MACROD2: variants seen among roughly 807,000 people sequenced by gnomAD.
MACROD2 encodes mono-ADP ribosylhydrolase 2, also known as ADP-ribose glycohydrolase MACROD2.
Under a neutral mutation model 70.4 loss-of-function variants are expected in MACROD2, and 36 were observed. That is an observed-to-expected ratio of 0.51 (90% CI 0.39 to 0.68). MACROD2 has a LOEUF of 0.68. MACROD2 is among the 30% of genes least tolerant of loss of function. The probability of loss-of-function intolerance (pLI) is 0.00; values close to 1 mark genes in which losing one functional copy is unlikely to be tolerated. For synonymous variants in MACROD2, 172 were observed against 178.8 expected (o/e 0.96, Z 0.30); for missense variants, 496 against 538.4 (o/e 0.92, Z 0.78).
chr20:14,881,422 T>A (rs1215097461), intron 5 of MACROD2, among the ~76,000 whole-genome samples: 1 of 151,940 alleles, frequency 6.6e-6, no homozygotes, highest in East Asian at 1.9e-4. Flanking sequence ...GGCACTTGAC[T>A]TCCCTGTGCC....
intron 3 of MACROD2, among the ~76,000 whole-genome samples, chr20:14,164,679 G>A (rs778148518): frequency 1.3e-5 from 2 of 152,046 alleles, no homozygotes; most frequent in African/African-American, 2.4e-5. Context: ...GGGCCTGACC[G>A]CAGGCTCTGG....
At chr20:14,371,956 A>G (rs1371219415) in intron 3 of MACROD2, among the ~76,000 whole-genome samples, 1 of 152,062 alleles carries the variant, frequency 6.6e-6, no homozygotes, top group Non-Finnish European at 1.5e-5. Context: ...ATGTTCTCAT[A>G]ACATTATCCT....
intron 6 of MACROD2, among the ~76,000 whole-genome samples, chr20:15,400,768 T>G (rs1203888278): frequency 6.6e-6 from 1 of 152,188 alleles, no homozygotes; most frequent in African/African-American, 2.4e-5. Context: ...CTTTGGCATA[T>G]TTGAGCATGC....
intron 4 of MACROD2, among the ~76,000 whole-genome samples, chr20:14,519,856 A>G (rs1165168108): frequency 6.6e-6 from 1 of 152,228 alleles, no homozygotes; most frequent in African/African-American, 2.4e-5. Context: ...AAAACATGGT[A>G]CATATACACC....
intron 4 of MACROD2, among the ~76,000 whole-genome samples, chr20:14,610,245 A>T (rs888134218): frequency 1.3e-5 from 2 of 152,182 alleles, no homozygotes; most frequent in African/African-American, 4.8e-5. Flanking sequence ...ATAATTTCAT[A>T]AACAATTTTA....
chr20:14,897,650 T>A (rs6034057), intron 5 of MACROD2, among the ~76,000 whole-genome samples: 29,062 of 152,070 alleles, frequency 0.19, 2,980 homozygotes, highest in African/African-American at 0.22. Flanking sequence ...TTTTAGAAAG[T>A]TATTCACTGA....
chr20:14,731,261 G>A (rs1600598807), intron 5 of MACROD2, among the ~76,000 whole-genome samples: 1 of 152,224 alleles, frequency 6.6e-6, no homozygotes, highest in East Asian at 1.9e-4. Flanking sequence ...GAGGAAACGT[G>A]CCTGTCCTGA....
intron 8 of MACROD2, among the ~76,000 whole-genome samples, chr20:15,692,282 G>A (rs1047714154): frequency 6.6e-5 from 10 of 152,044 alleles, no homozygotes; most frequent in African/African-American, 2.4e-4. Flanking sequence ...TTCACCAGGG[G>A]GATGATGAAC....
intron 8 of MACROD2, among the ~76,000 whole-genome samples, chr20:15,792,750 T>C (rs1383148085): frequency 3.9e-5 from 6 of 152,180 alleles, no homozygotes; most frequent in African/African-American, 1.4e-4. Context: ...TTGTCAGACA[T>C]TTAGGTCATA....
chr20:15,690,707 T>A (rs2050288861), intron 8 of MACROD2, among the ~76,000 whole-genome samples: 1 of 152,184 alleles, frequency 6.6e-6, no homozygotes, highest in African/African-American at 2.4e-5. Context: ...ATAAGTGGAA[T>A]GTTCTGTATA....
chr20:15,835,053 C>T (rs2064097918), intron 8 of MACROD2, among the ~76,000 whole-genome samples: 2 of 152,178 alleles, frequency 1.3e-5, no homozygotes, highest in South Asian at 4.1e-4. Context: ...AGCAACCCTG[C>T]AGACAATCTC....
Position 15,347,554 on chromosome 20 carries a change from C to A in MACROD2, c.541-83851C>A, listed in dbSNP as rs143395090. 5.8e-3 allele frequency among the ~76,000 whole-genome samples: 879 copies of A among 152,284 alleles called. 5 individuals carry two copies. Among genetic ancestry groups the A allele is most frequent in the Non-Finnish European group, 6.9e-3 (468 of 68,024 alleles). ...GACTACACTTTCCCATGGTACACAT[C>A]ATCATTTCCTTTTAAGACATGATCA... On this transcript the variant is annotated intron_variant, in intron 6 of 17. Transcript: ENST00000684519.
chr20:15,305,984 G>A lies in MACROD2; in HGVS notation c.540+75923G>A, dbSNP rs184138349. On this transcript the variant is annotated intron_variant, in intron 6 of 17. Coordinates refer to ENST00000684519, the MANE Select transcript of MACROD2 (RefSeq NM_001351661.2). ...TGAATTGGATATCCTTTCATTCCAG[G>A]ACATTTTCATCTGCCTCATTCTTCT... Among the ~76,000 whole-genome samples, 13 of 152,126 alleles carry A rather than the reference G, an allele frequency of 8.5e-5. No individual in the cohort carries two copies. In the East Asian group the frequency reaches 2.5e-3, roughly 29 times the overall value.
intron 4 of MACROD2, among the ~76,000 whole-genome samples, chr20:14,546,363 T>C (rs2085491719): frequency 6.6e-6 from 1 of 152,138 alleles, no homozygotes; most frequent in Non-Finnish European, 1.5e-5. Context: ...GAAAGAATCC[T>C]CCAGGAGAAA....
At position 15,192,032 on chromosome 20, in the gene MACROD2, A is replaced by G. The variant is rs1276028816; in HGVS notation, c.419-37908A>G. ...TAACTATGTATCTATCTATCTATCTATCTATCTATCTATCTATCTATCTAT... is the reference window on the plus strand; with the variant it reads ...TAACTATGTATCTATCTATCTATCTGTCTATCTATCTATCTATCTATCTAT... On this transcript the variant is annotated intron_variant, in intron 5 of 17. Transcript: ENST00000684519. 4.6e-5 allele frequency among the ~76,000 whole-genome samples: 7 copies of G among 151,434 alleles called. No homozygotes were observed. In the East Asian group the frequency reaches 7.8e-4, roughly 17 times the overall value.
rs2073011181 is a variant in MACROD2, at chr20:14,834,856, A to G, written c.418+149897A>G. On this transcript the variant is annotated intron_variant, in intron 5 of 17. Transcript: ENST00000684519. Reference sequence around the variant, plus strand: ...CATGTCTATGAGAATATGTGTGTATATATATTTATATGTGTGTATATATGT... The same window carrying G: ...CATGTCTATGAGAATATGTGTGTATGTATATTTATATGTGTGTATATATGT... 4.6e-5 allele frequency among the ~76,000 whole-genome samples: 7 copies of G among 152,098 alleles called. No individual in the cohort carries two copies. In the South Asian group the frequency reaches 1.5e-3, roughly 32 times the overall value.
intron 7 of MACROD2, among the ~76,000 whole-genome samples, chr20:15,483,488 C>G (rs2047125312): frequency 6.6e-6 from 1 of 152,138 alleles, no homozygotes; most frequent in South Asian, 2.1e-4. Flanking sequence ...CAGGTAATAT[C>G]AGTCCTCTGA....
At chr20:15,422,109 G>A (rs1454941350) in intron 6 of MACROD2, among the ~76,000 whole-genome samples, 5 of 152,198 alleles carry the variant, frequency 3.3e-5, no homozygotes, top group Non-Finnish European at 7.3e-5. Context: ...CAAGGAAAAA[G>A]TGGAAGGGAG....
At chr20:15,413,564 G>C (rs1443556020) in intron 6 of MACROD2, among the ~76,000 whole-genome samples, 1 of 152,168 alleles carries the variant, frequency 6.6e-6, no homozygotes, top group African/African-American at 2.4e-5. Context: ...AGGGAGAAAA[G>C]TTATATGTGA....
Sources: gnomAD v4.1 joint callset for allele counts (sites outside exome capture counted in the v4.1 genomes callset) on GRCh38, gnomAD v4.1.1 for gene constraint, MANE v1.5 for transcripts, NCBI Gene and HGNC (gene_info 2026-07-23, HGNC 2026-07-21) for gene names.